Variants in DLGAP1 observed in about 807,000 individuals in gnomAD.
The protein encoded by DLGAP1 is DLG associated protein 1.
In DLGAP1, 11 loss-of-function variants were observed where a neutral mutation model predicts 90.8. The observed-to-expected ratio is 0.12, with a 90% CI of 0.08 to 0.20. The LOEUF is 0.20. DLGAP1 is among the 10% of genes least tolerant of loss of function. The pLI, the probability that DLGAP1 is intolerant of heterozygous loss-of-function variation, is 1.00. For missense variants in DLGAP1, 1,050 were observed against 1,333.8 expected, an observed-to-expected ratio of 0.79 and a Z score of 3.31; for synonymous variants, 558 against 540.7, an observed-to-expected ratio of 1.03 and a Z score of -0.44.
At chr18:3,793,733 GGACTTGCTGCTTTCTGTCT>G (rs1255374276) in intron 5 of DLGAP1, among the ~76,000 whole-genome samples, 2 of 152,080 alleles carry the variant, frequency 1.3e-5, no homozygotes, top group African/African-American at 4.8e-5. Context: ...CACACCTCCA[GGACTTGCTGCTTTCTGTCT>G]GACTCACTTT....
At chr18:3,874,119 C>T (rs1568269346) in intron 4 of DLGAP1, 2 of 1,549,430 alleles carry the variant, frequency 1.3e-6, no homozygotes, top group South Asian at 1.2e-5. Context: ...CACACTATTA[C>T]CAAATACAAA....
chr18:4,225,016 T>A (rs1282971568), intron 1 of DLGAP1, among the ~76,000 whole-genome samples: 2 of 151,762 alleles, frequency 1.3e-5, no homozygotes, highest in Non-Finnish European at 2.9e-5. Flanking sequence ...CACACATGCA[T>A]GCACACACAG....
chr18:4,178,124 G>C (rs1423005075), intron 1 of DLGAP1, among the ~76,000 whole-genome samples: 6 of 150,962 alleles, frequency 4.0e-5, no homozygotes, highest in Admixed American at 3.3e-4. Context: ...CTACTTCTGA[G>C]ATTCAGACTA....
At chr18:4,394,921 C>T (rs2082409215) in intron 1 of DLGAP1, among the ~76,000 whole-genome samples, 1 of 152,196 alleles carries the variant, frequency 6.6e-6, no homozygotes, top group African/African-American at 2.4e-5. Context: ...TACCTTCATT[C>T]GGCCCTACTG....
chr18:3,538,375 CA>C (rs112805068), intron 9 of DLGAP1, among the ~76,000 whole-genome samples: 492 of 102,414 alleles, frequency 4.8e-3, no homozygotes, highest in Middle Eastern at 5.3e-3. Flanking sequence ...TCAAATGAGC[CA>C]AAAAAAAAAA....
chr18:3,549,178 A>G (rs1355744270), intron 9 of DLGAP1, among the ~76,000 whole-genome samples: 2 of 152,242 alleles, frequency 1.3e-5, no homozygotes, highest in Non-Finnish European at 2.9e-5. Context: ...GCCCAATTAT[A>G]GAGCAATTTT....
intron 3 of DLGAP1, among the ~76,000 whole-genome samples, chr18:4,004,188 C>G (rs936911670): frequency 2.0e-5 from 3 of 152,186 alleles, no homozygotes; most frequent in African/African-American, 7.2e-5. Context: ...TATGTTTTCT[C>G]TATTGTGGAT....
chr18:3,952,720 T>C (rs1360661632), intron 3 of DLGAP1, among the ~76,000 whole-genome samples: 2 of 152,236 alleles, frequency 1.3e-5, no homozygotes, highest in African/African-American at 4.8e-5. Context: ...TAAAGAAAGA[T>C]GTCTATTGAA....
chr18:4,135,875 TTTTA>T (rs2144256552), intron 2 of DLGAP1, among the ~76,000 whole-genome samples: 1 of 152,004 alleles, frequency 6.6e-6, no homozygotes, highest in East Asian at 1.9e-4. Context: ...TCTTATTATT[TTTTA>T]TTATTATACT....
chr18:3,658,500 G>A (rs1325813671), intron 7 of DLGAP1, among the ~76,000 whole-genome samples: 2 of 152,178 alleles, frequency 1.3e-5, no homozygotes, highest in African/African-American at 2.4e-5. Flanking sequence ...AAGACAAATG[G>A]AAGTAAACTT....
At chr18:3,547,301 C>CAAAAAAAAA (rs765095049) in intron 9 of DLGAP1, among the ~76,000 whole-genome samples, 2 of 45,430 alleles carry the variant, frequency 4.4e-5, no homozygotes, top group Non-Finnish European at 8.9e-5. Context: ...GACTCCGTCT[C>CAAAAAAAAA]AAAAAAAAAA....
chr18:4,362,472 C>T (rs554228137), intron 1 of DLGAP1, among the ~76,000 whole-genome samples: 16 of 152,284 alleles, frequency 1.1e-4, no homozygotes, highest in African/African-American at 3.4e-4. Flanking sequence ...ATAAGCCAGT[C>T]ACAAACAAGA....
intron 7 of DLGAP1, among the ~76,000 whole-genome samples, chr18:3,696,205 T>C (rs946630929): frequency 2.6e-5 from 4 of 152,222 alleles, no homozygotes; most frequent in South Asian, 2.1e-4. Flanking sequence ...TCTTGCCTGA[T>C]TGCCCTGGCC....
intron 2 of DLGAP1, among the ~76,000 whole-genome samples, chr18:4,030,128 TC>T (rs2074771787): frequency 6.6e-6 from 1 of 152,128 alleles, no homozygotes; most frequent in African/African-American, 2.4e-5. Flanking sequence ...AAATAGCTGA[TC>T]TCACAGGCAT....
chr18:3,501,864 T>A (rs180835337), intron 12 of DLGAP1, among the ~76,000 whole-genome samples: 1 of 151,624 alleles, frequency 6.6e-6, no homozygotes, highest in Admixed American at 6.6e-5. Context: ...GTAAAAGAAT[T>A]TAAGTCTTTA....
rs1372219492 is a variant in DLGAP1 at position 3,525,952 on chromosome 18, CCTT to C, written c.2479+8239_2479+8241del. ...TCCACAAAAGGATGGTGTCTAATGG[CCTT>C]CTGGCACCAGCGCTGTGCAAAGCGG... is the stretch of plus-strand genomic sequence containing the variant. On this transcript the variant is annotated intron_variant, in intron 10 of 12. Coordinates refer to ENST00000315677, the MANE Select transcript of DLGAP1 (RefSeq NM_004746.4). Among the ~76,000 whole-genome samples the C allele has an allele frequency of 3.9e-5, 6 of 152,322 alleles. No homozygotes were observed. In the East Asian group the frequency reaches 1.2e-3, roughly 29 times the overall value.
intron 1 of DLGAP1, among the ~76,000 whole-genome samples, chr18:4,281,597 T>C (rs1051376499): frequency 6.6e-6 from 1 of 152,176 alleles, no homozygotes; most frequent in Admixed American, 6.5e-5. Context: ...TGATATTGGT[T>C]ATGTCTGCAA....
At chr18:4,419,154 C>T (rs1015854770) in intron 1 of DLGAP1, among the ~76,000 whole-genome samples, 3 of 152,116 alleles carry the variant, frequency 2.0e-5, no homozygotes, top group Non-Finnish European at 2.9e-5. Context: ...TTTATAAAGA[C>T]ACACCCAAGA....
chr18:4,177,842 C>T (rs1380401541), intron 1 of DLGAP1, among the ~76,000 whole-genome samples: 1 of 152,076 alleles, frequency 6.6e-6, no homozygotes, highest in African/African-American at 2.4e-5. Flanking sequence ...GAATATGTAC[C>T]ACATTTTCTT....
Sources: allele counts gnomAD v4.1 joint callset (sites outside exome capture counted in the v4.1 genomes callset), GRCh38; gene constraint gnomAD v4.1.1; transcripts MANE v1.5; gene names NCBI Gene and HGNC (gene_info 2026-07-23, HGNC 2026-07-21).